DBF4B: variants seen among roughly 807,000 people sequenced by gnomAD.
DBF4B encodes the protein DBF4B-CDC7 kinase regulatory subunit.
A neutral mutation model predicts 53.4 loss-of-function variants in DBF4B; 49 were observed. That is an observed-to-expected ratio of 0.92 (90% CI 0.73 to 1.16). The LOEUF (loss-of-function observed/expected upper bound fraction) is 1.16. DBF4B is among the 50% of genes most tolerant of loss of function. The pLI, the probability that DBF4B is intolerant of heterozygous loss-of-function variation, is 0.00. For missense variants in DBF4B, 692 were observed against 775.0 expected (o/e 0.89, Z 1.27); for synonymous variants, 257 against 288.7 (o/e 0.89, Z 1.11).
At chr17:44,741,647 A>C (rs1976043051) in intron 10 of DBF4B, among the ~76,000 whole-genome samples, 195 bp downstream of exon 10, 1 of 152,180 alleles carries the variant, frequency 6.6e-6, no homozygotes, top group African/African-American at 2.4e-5. Context: ...CGTACTGAAG[A>C]ATTTAACTTG....
chr17:44,736,544 T>C (rs1252898218), intron 7 of DBF4B, among the ~76,000 whole-genome samples: 2 of 152,226 alleles, frequency 1.3e-5, no homozygotes, highest in Non-Finnish European at 2.9e-5. Flanking sequence ...CCACCAGGCC[T>C]CTGGGACTCC....
intron 9 of DBF4B, among the ~76,000 whole-genome samples, chr17:44,738,978 A>G (rs1388835314): frequency 1.3e-5 from 2 of 152,332 alleles, no homozygotes; most frequent in East Asian, 1.9e-4. Context: ...AGGAGAGCCC[A>G]TCTCTTCCTA....
At position 44,751,038 on chromosome 17, in the gene DBF4B, T is replaced by C. The variant is rs150145616; in HGVS notation, c.1633T>C (p.Tyr545His). 6.8e-6 allele frequency: 11 copies of C among 1,614,030 alleles called. No individual in the cohort carries two copies. The African/African-American group carries it at 1.2e-4, about 18-fold the overall frequency. Residue 545 changes from tyrosine (Y) to histidine (H), a missense_variant, in exon 14 of 14, where the codon TAC becomes CAC. By Grantham distance (83) the Tyr-to-His change is moderately conservative. Coordinates refer to ENST00000315005, the MANE Select transcript of DBF4B (RefSeq NM_145663.3). ...CCCCTGTCTCAGACTTGGATACCTTTACCTGCTGCTCACACAAAGCCTGTG... is the reference window on the plus strand; with the variant it reads ...CCCCTGTCTCAGACTTGGATACCTTCACCTGCTGCTCACACAAAGCCTGTG... ...PCPCLRLGYL[Y>H]LLLTQSLWCR...
Position 44,750,922 on chromosome 17 carries a change from C to G in DBF4B, c.1517C>G (p.Ala506Gly), listed in dbSNP as rs756815805. ...GAAGCCAGACCGTGGCTTATGTCTGCACGCTGCTGGGTTCGTCCCTTTCCT... is the reference window on the plus strand; with the variant it reads ...GAAGCCAGACCGTGGCTTATGTCTGGACGCTGCTGGGTTCGTCCCTTTCCT... ...FPEARPWLMS[A>G]RCWVRPFPFV... Residue 506 changes from alanine to glycine, a missense_variant, in exon 14 of 14, where the codon GCA (alanine) becomes GGA (glycine). Ala to Gly is a moderately conservative substitution (Grantham distance 60). Transcript: ENST00000315005. 6.2e-6 allele frequency: 10 copies of G among 1,614,210 alleles called. No homozygotes were observed. In the South Asian group the frequency reaches 9.9e-5, roughly 16 times the overall value.
At chr17:44,714,622 T>C (rs895624229) in intron 2 of DBF4B, among the ~76,000 whole-genome samples, 4 of 152,150 alleles carry the variant, frequency 2.6e-5, no homozygotes, top group Non-Finnish European at 5.9e-5. Context: ...ACAGGTATAA[T>C]AATTTTATCT....
At position 44,722,923 on chromosome 17, in the gene DBF4B, T is replaced by A. The variant is rs1168906268; in HGVS notation, c.126T>A (p.Gly42=). Residue 42 remains glycine, a synonymous_variant, in exon 3 of 14, where the codon GGT becomes GGA. Transcript: ENST00000315005. ...CLGKCQKNSP[G]ARKHPFSGKS... ...GAAAATGCCAGAAGAACTCACCAGG[T>A]GCCAGGAAGCATCCCTTTTCCGGAA... is the stretch of plus-strand genomic sequence containing the variant. 6.2e-7 allele frequency: 1 copy of A among 1,614,184 alleles called. No individual in the cohort carries two copies. Among genetic ancestry groups the A allele is most frequent in the Admixed American group, 1.7e-5 (1 of 60,002 alleles).
intron 3 of DBF4B, among the ~76,000 whole-genome samples, chr17:44,723,594 C>T (rs1974041412): frequency 6.6e-6 from 1 of 151,838 alleles, no homozygotes; most frequent in Admixed American, 6.6e-5. Flanking sequence ...CCTGTCTCTA[C>T]TAAAAATAAT....
intron 3 of DBF4B, 62 bp downstream of exon 3, chr17:44,723,084 G>T: frequency 1.9e-6 from 3 of 1,595,722 alleles, no homozygotes; most frequent in Non-Finnish European, 2.6e-6. Flanking sequence ...GCAGGAGTTG[G>T]ATGGGGATTA....
At chr17:44,729,728 C>CACACACACACACA (rs1190920013) in intron 3 of DBF4B, among the ~76,000 whole-genome samples, 177 bp from the exon 4 acceptor site, 107 of 126,166 alleles carry the variant, frequency 8.5e-4, no homozygotes, top group African/African-American at 2.9e-3. Flanking sequence ...ACACACACAC[C>CACACACACACACA]CCATTAGATT....
At chr17:44,709,404 AT>A in intron 2 of DBF4B, 38 bp downstream of exon 2, 1 of 1,612,482 alleles carries the variant, frequency 6.2e-7, no homozygotes, top group Non-Finnish European at 8.5e-7. Flanking sequence ...TGAGGTGAAA[AT>A]TGCCCCAGGG....
rs79022932 is a variant in DBF4B, at chr17:44,746,718, C to T, written c.831-365C>T. Among the ~76,000 whole-genome samples, 548 of 151,482 alleles carry T rather than the reference C, an allele frequency of 3.6e-3. 5 individuals carry two copies. The highest frequency in any genetic ancestry group is 0.02 in the East Asian group (105 of 5,146). On this transcript the variant is annotated intron_variant, in intron 10 of 13. Coordinates refer to ENST00000315005, the MANE Select transcript of DBF4B (RefSeq NM_145663.3). ...CCTGTAATCCCAGCTACTCTGGAGG[C>T]TAAGGCAGGAGAATGGCTTGAGCCC...
chr17:44,743,080 G>A (rs1225639029), intron 10 of DBF4B, among the ~76,000 whole-genome samples: 6 of 152,190 alleles, frequency 3.9e-5, no homozygotes, highest in Non-Finnish European at 5.9e-5. Flanking sequence ...AAAGAGGTGA[G>A]GTTAAGTCCC....
intron 1 of DBF4B, 71 bp from the exon 2 acceptor site, chr17:44,709,230 CAGT>C (rs1375299871): frequency 6.3e-7 from 1 of 1,585,274 alleles, no homozygotes; most frequent in Non-Finnish European, 8.7e-7. Context: ...TTTTGGGAGA[CAGT>C]AGTGGGCGGG....
chr17:44,722,538 C>T (rs1973942387), intron 2 of DBF4B, among the ~76,000 whole-genome samples: 1 of 152,206 alleles, frequency 6.6e-6, no homozygotes, highest in Admixed American at 6.6e-5. Flanking sequence ...GTGTGAATCT[C>T]GGCCCTCTTT....
chr17:44,715,844 G>A (rs1404878055), intron 2 of DBF4B, among the ~76,000 whole-genome samples: 3 of 89,014 alleles, frequency 3.4e-5, no homozygotes, highest in Non-Finnish European at 6.4e-5. Context: ...TTTTTTTGAG[G>A]CAGAGTCTTG....
intron 3 of DBF4B, among the ~76,000 whole-genome samples, chr17:44,729,284 A>G (rs1462520130): frequency 6.7e-6 from 1 of 149,664 alleles, no homozygotes; most frequent in Non-Finnish European, 1.5e-5. Context: ...TCACTGCATC[A>G]CTGAACTACT....
At chr17:44,729,683 TACACACACACACACACACACACACAC>T (rs71361592) in intron 3 of DBF4B, among the ~76,000 whole-genome samples, 196 bp from the exon 4 acceptor site, 2 of 138,176 alleles carry the variant, frequency 1.4e-5, no homozygotes, top group Admixed American at 7.4e-5. Context: ...GTAATACACA[TACACACACACACACACACACACACAC>T]ACACACACAC....
rs1975493965 is a variant in DBF4B, at chr17:44,736,848, G to C, written c.649G>C (p.Glu217Gln). ...KKPEGTCPAA[E>Q]SRTRKVARLK... ...CATTTAGGGAACATGTCCAGCAGCA[G>C]AGTCAAGAACACGGAAAGGTCAGTG... Residue 217 changes from glutamate to glutamine, a missense_variant, in exon 8 of 14, where the codon GAG becomes CAG. Physicochemically the swap from Glu to Gln is conservative, Grantham distance 29. This residue lies in a region of DBF4B where 597 missense variants were observed against 665.8 expected (regional missense o/e 0.90). Transcript: ENST00000315005. 1 of 1,613,944 alleles carries C rather than the reference G, an allele frequency of 6.2e-7. No individual in the cohort carries two copies. Among genetic ancestry groups the C allele is most frequent in the East Asian group, 2.2e-5 (1 of 44,892 alleles).
intron 8 of DBF4B, 140 bp from the exon 9 acceptor site, chr17:44,738,239 C>A: frequency 1.1e-6 from 1 of 874,882 alleles, no homozygotes; most frequent in Non-Finnish European, 1.7e-6. Flanking sequence ...GAGAGCGCAG[C>A]CTGGGGTGGC....
Sources: gnomAD v4.1 joint callset for allele counts (sites outside exome capture counted in the v4.1 genomes callset) on GRCh38, gnomAD v4.1.1 for gene constraint, gnomAD v4.1.1 regional missense constraint, MANE v1.5 for transcripts, NCBI Gene and HGNC (gene_info 2026-07-23, HGNC 2026-07-21) for gene names.